COL4A3: variants seen among roughly 807,000 people sequenced by gnomAD.
The protein encoded by COL4A3 is collagen type IV alpha 3 chain.
Under a neutral mutation model 217.4 loss-of-function variants are expected in COL4A3, and 135 were observed. That is an observed-to-expected ratio of 0.62 (90% confidence interval 0.54 to 0.72). The LOEUF (loss-of-function observed/expected upper bound fraction) is 0.72, where lower values mean the gene tolerates loss of function less well. Among genes scored for constraint, COL4A3 ranks in the 30% least tolerant of loss-of-function variants. The pLI, the probability that COL4A3 is intolerant of heterozygous loss-of-function variation, is 0.00. For synonymous variants in COL4A3, 690 were observed against 736.3 expected (o/e 0.94, Z 1.02); for missense variants, 1,868 against 2,119.9 (o/e 0.88, Z 2.33).
chr2:227,306,517 A>G lies in COL4A3; in HGVS notation c.4253-1193A>G, dbSNP rs1314692438. Among the ~76,000 whole-genome samples, 5 of 152,150 alleles carry G rather than the reference A, an allele frequency of 3.3e-5. No individual in the cohort carries two copies. The South Asian group carries it at 1.0e-3, about 32-fold the overall frequency. On this transcript the variant is annotated intron_variant, in intron 47 of 51. Transcript: ENST00000396578. Reference sequence around the variant, plus strand: ...GAAAAGAGAAAAATGTGTCTCCCCAATATATTAAAACCATGGCAACTTGGA... The same window carrying G: ...GAAAAGAGAAAAATGTGTCTCCCCAGTATATTAAAACCATGGCAACTTGGA...
intron 1 of COL4A3, among the ~76,000 whole-genome samples, chr2:227,173,715 T>G (rs1285754310): frequency 6.6e-6 from 1 of 152,240 alleles, no homozygotes; most frequent in East Asian, 1.9e-4. Context: ...AAACTAATTT[T>G]AATATGTTTT....
intron 1 of COL4A3, among the ~76,000 whole-genome samples, chr2:227,201,379 C>CCAG (rs1559817392): frequency 6.6e-6 from 1 of 152,018 alleles, no homozygotes; most frequent in Admixed American, 6.6e-5. Context: ...ATGCAAAAGC[C>CCAG]CAACACATGT....
At chr2:227,190,888 C>T (rs2066212619) in intron 1 of COL4A3, among the ~76,000 whole-genome samples, 1 of 152,074 alleles carries the variant, frequency 6.6e-6, no homozygotes. Flanking sequence ...GACTGGGTAA[C>T]AGTAATATGT....
intron 1 of COL4A3, among the ~76,000 whole-genome samples, chr2:227,206,377 C>T (rs1336849449): frequency 1.3e-5 from 2 of 152,102 alleles, no homozygotes; most frequent in Non-Finnish European, 2.9e-5. Flanking sequence ...CCCGCCCCCT[C>T]AGGTGATTCT....
chr2:227,285,713 T>C (rs780291934), intron 34 of COL4A3, among the ~76,000 whole-genome samples: 1 of 152,206 alleles, frequency 6.6e-6, no homozygotes, highest in Non-Finnish European at 1.5e-5. Context: ...TAATTTGCAA[T>C]TGAAGAATTC....
At position 227,286,134 on chromosome 2, in the gene COL4A3, C is replaced by T. The variant is rs546760490; in HGVS notation, c.2881+1789C>T. 3.3e-4 allele frequency among the ~76,000 whole-genome samples: 51 copies of T among 152,304 alleles called. 1 individual carries two copies. Among genetic ancestry groups the T allele is most frequent in the South Asian group, 1.2e-3 (6 of 4,834 alleles). On this transcript the variant is annotated intron_variant, in intron 34 of 51. Transcript: ENST00000396578. ...TATTATTTAACAACGACCTAAGTAG[C>T]ATTTACCATGTGCAGGTACTGTTCC...
At chr2:227,178,250 C>A (rs1270814236) in intron 1 of COL4A3, among the ~76,000 whole-genome samples, 1 of 151,568 alleles carries the variant, frequency 6.6e-6, no homozygotes, top group Non-Finnish European at 1.5e-5. Context: ...GGCATGGTGG[C>A]ATGTGCCTGC....
chr2:227,204,391 T>G (rs2067019765), intron 1 of COL4A3, among the ~76,000 whole-genome samples: 1 of 152,128 alleles, frequency 6.6e-6, no homozygotes, highest in Admixed American at 6.6e-5. Context: ...TATCTTATGT[T>G]CTCACTATTT....
chr2:227,293,457 A>C, intron 38 of COL4A3, 140 bp downstream of exon 38: 1 of 954,106 alleles, frequency 1.0e-6, no homozygotes, highest in Non-Finnish European at 1.6e-6. Context: ...TCAAATTCTA[A>C]CACACTAAGA....
chr2:227,297,484 G>A (rs1044661814), intron 41 of COL4A3, among the ~76,000 whole-genome samples, 190 bp from the exon 42 acceptor site: 4 of 152,154 alleles, frequency 2.6e-5, no homozygotes, highest in Admixed American at 1.3e-4. Flanking sequence ...GAGACAGACT[G>A]AGTCTCAACT....
At chr2:227,224,679 C>T (rs191167226) in intron 1 of COL4A3, among the ~76,000 whole-genome samples, 5 of 151,810 alleles carry the variant, frequency 3.3e-5, no homozygotes, top group Admixed American at 6.6e-5. Flanking sequence ...CGCTTGAACC[C>T]GGGAGGCAGA....
At chr2:227,273,290 AT>A (rs1227264885) in intron 26 of COL4A3, among the ~76,000 whole-genome samples, 173 bp downstream of exon 26, 1 of 152,228 alleles carries the variant, frequency 6.6e-6, no homozygotes, top group East Asian at 1.9e-4. Context: ...GAGAAAACTC[AT>A]TTTTTCTCCA....
intron 1 of COL4A3, among the ~76,000 whole-genome samples, chr2:227,206,802 T>C (rs1432176955): frequency 6.6e-6 from 1 of 152,212 alleles, no homozygotes; most frequent in African/African-American, 2.4e-5. Flanking sequence ...TATGCAGGTT[T>C]ACATGTCTTA....
At chr2:227,182,872 A>T (rs182221891) in intron 1 of COL4A3, among the ~76,000 whole-genome samples, 75 of 152,344 alleles carry the variant, frequency 4.9e-4, no homozygotes, top group Admixed American at 3.9e-3. Context: ...CAACATTTGC[A>T]ATGTGTTTAA....
intron 1 of COL4A3, among the ~76,000 whole-genome samples, chr2:227,211,239 T>C (rs925658086): frequency 4.0e-5 from 6 of 151,870 alleles, no homozygotes; most frequent in Non-Finnish European, 1.5e-5. Context: ...GACCTCGTGA[T>C]CCGCCCACCT....
chr2:227,246,650 AC>A, intron 6 of COL4A3, 34 bp from the exon 7 acceptor site: 1 of 1,557,164 alleles, frequency 6.4e-7, no homozygotes, highest in Non-Finnish European at 8.9e-7. Flanking sequence ...TTCTAGAACA[AC>A]TAAGAATAAT....
intron 23 of COL4A3, among the ~76,000 whole-genome samples, chr2:227,267,626 G>T (rs1012973993): frequency 6.6e-6 from 1 of 152,150 alleles, no homozygotes; most frequent in East Asian, 1.9e-4. Flanking sequence ...ACATTTGAAC[G>T]GGCCAGCGGG....
chr2:227,267,192 T>A, intron 23 of COL4A3, 104 bp downstream of exon 23: 1 of 834,106 alleles, frequency 1.2e-6, no homozygotes, highest in Non-Finnish European at 2.0e-6. Flanking sequence ...GTGGTTTAGA[T>A]GAACTTGGAG....
At position 227,277,549 on chromosome 2, in the gene COL4A3, T is replaced by C; in HGVS notation, c.2121T>C (p.Pro707=). Residue 707 remains proline, a synonymous_variant, in exon 28 of 52, where the codon CCT becomes CCC. Coordinates refer to ENST00000396578, the MANE Select transcript of COL4A3 (RefSeq NM_000091.5). ...TTGGATTTCCTGGGCCTCCTGGACCTAAGGGTAAATTTAAAATTTTTTCAA... is the reference window on the plus strand; with the variant it reads ...TTGGATTTCCTGGGCCTCCTGGACCCAAGGGTAAATTTAAAATTTTTTCAA... ...PGIGFPGPPG[P]KGDQGFPGTK... is the part of the protein sequence containing the mutation. The C allele has an allele frequency of 6.2e-7, 1 of 1,600,924 alleles. No homozygotes were observed. Among genetic ancestry groups the C allele is most frequent in the Non-Finnish European group, 8.5e-7 (1 of 1,171,628 alleles).
Sources: gnomAD v4.1 joint callset for allele counts (sites outside exome capture counted in the v4.1 genomes callset) on GRCh38, gnomAD v4.1.1 for gene constraint, MANE v1.5 for transcripts, NCBI Gene and HGNC (gene_info 2026-07-23, HGNC 2026-07-21) for gene names.